Variants in ARL15 observed in about 807,000 individuals in gnomAD.
ARL15 encodes the protein ADP-ribosylation factor-like protein 15.
Under a neutral mutation model 25.2 loss-of-function variants are expected in ARL15, and 19 were observed. The observed-to-expected ratio is 0.75, with a 90% CI of 0.53 to 1.10. The LOEUF (loss-of-function observed/expected upper bound fraction) is 1.10, where lower values mean the gene tolerates loss of function less well. Among genes scored for constraint, ARL15 ranks in the 50% least tolerant of loss-of-function variants. ARL15 has a pLI of 0.00. For missense variants in ARL15, 220 were observed against 246.0 expected, an observed-to-expected ratio of 0.89 and a Z score of 0.71; for synonymous variants, 94 against 86.8, an observed-to-expected ratio of 1.08 and a Z score of -0.46.
intron 4 of ARL15, among the ~76,000 whole-genome samples, chr5:53,916,745 T>A (rs1206624918): frequency 6.6e-6 from 1 of 152,066 alleles, no homozygotes; most frequent in Admixed American, 6.6e-5. Flanking sequence ...GCCTCCAACA[T>A]AATTTCCCCT....
chr5:53,914,027 C>T (rs1429811758), intron 4 of ARL15, among the ~76,000 whole-genome samples: 3 of 152,082 alleles, frequency 2.0e-5, no homozygotes, highest in Non-Finnish European at 4.4e-5. Context: ...TTTCTTCTTC[C>T]TCCTTATCTC....
At chr5:54,282,479 T>C in intron 1 of ARL15, 1 of 985,446 alleles carries the variant, frequency 1.0e-6, no homozygotes, top group Non-Finnish European at 1.2e-6. Flanking sequence ...TCCGTCTGTT[T>C]TCTAGGCTAG....
At chr5:54,188,221 C>CA (rs1755292388) in intron 1 of ARL15, among the ~76,000 whole-genome samples, 1 of 151,924 alleles carries the variant, frequency 6.6e-6, no homozygotes, top group Non-Finnish European at 1.5e-5. Context: ...TCAGCTTTCC[C>CA]AAAAGGAAAA....
intron 3 of ARL15, among the ~76,000 whole-genome samples, chr5:54,150,778 A>T (rs1754042237): frequency 6.6e-6 from 1 of 151,552 alleles, no homozygotes; most frequent in Non-Finnish European, 1.5e-5. Flanking sequence ...ATCCTGGGCA[A>T]CGGAGCAAGA....
intron 4 of ARL15, among the ~76,000 whole-genome samples, chr5:54,094,512 A>G (rs1235071942): frequency 1.3e-5 from 2 of 151,856 alleles, no homozygotes; most frequent in East Asian, 3.9e-4. Context: ...TAATTCATAT[A>G]TGTATTTTAA....
intron 4 of ARL15, among the ~76,000 whole-genome samples, chr5:54,023,135 T>C (rs1050854751): frequency 3.3e-5 from 5 of 151,970 alleles, no homozygotes; most frequent in Admixed American, 3.3e-4. Flanking sequence ...ATAAAAAATA[T>C]TTAAGACAAT....
intron 4 of ARL15, chr5:53,951,665 C>T (rs998280723): frequency 7.8e-5 from 31 of 398,390 alleles, no homozygotes; most frequent in African/African-American, 6.9e-4. Flanking sequence ...GATATGATGA[C>T]CACTAAAAAT....
intron 4 of ARL15, among the ~76,000 whole-genome samples, chr5:53,955,968 A>G (rs980141547): frequency 1.3e-5 from 2 of 152,168 alleles, no homozygotes; most frequent in Non-Finnish European, 2.9e-5. Flanking sequence ...AAAATATGGA[A>G]AAGAAAAGCT....
chr5:54,144,154 T>C (rs1275470466), intron 3 of ARL15, among the ~76,000 whole-genome samples: 1 of 152,036 alleles, frequency 6.6e-6, no homozygotes, highest in African/African-American at 2.4e-5. Context: ...AGTATGGTTA[T>C]TTTCTTATTA....
At chr5:53,993,713 G>A (rs1428578364) in intron 4 of ARL15, among the ~76,000 whole-genome samples, 1 of 151,872 alleles carries the variant, frequency 6.6e-6, no homozygotes, top group Admixed American at 6.6e-5. Flanking sequence ...ACAATTCTAG[G>A]TAATAGCAAT....
chr5:54,263,751 G>A (rs1339919875), intron 1 of ARL15, among the ~76,000 whole-genome samples: 2 of 152,206 alleles, frequency 1.3e-5, no homozygotes, highest in East Asian at 3.9e-4. Flanking sequence ...GAACCAAGCA[G>A]AGAGCAACCC....
intron 4 of ARL15, among the ~76,000 whole-genome samples, chr5:54,037,428 A>G (rs543735087): frequency 6.6e-6 from 1 of 152,264 alleles, no homozygotes; most frequent in East Asian, 1.9e-4. Flanking sequence ...TAGTAAATAC[A>G]TGAATGAAAT....
rs867064130 is a variant in ARL15 at position 54,165,097 on chromosome 5, C to T, written c.193+6687G>A. ...CAGTCTACCTTCAAGTGTTATTATA[C>T]GACTTCACATATAGTACAAGAATCT... On this transcript the variant is annotated intron_variant, in intron 2 of 4. Transcript: ENST00000504924. Among the ~76,000 whole-genome samples, 5 of 151,844 alleles carry T rather than the reference C, an allele frequency of 3.3e-5. No homozygotes were observed. The South Asian group carries it at 6.2e-4, about 19-fold the overall frequency.
At chr5:54,116,828 T>C (rs1312106824) in intron 3 of ARL15, among the ~76,000 whole-genome samples, 3 of 152,102 alleles carry the variant, frequency 2.0e-5, no homozygotes. Context: ...ACCTAATAAA[T>C]ATATTTAGGT....
intron 4 of ARL15, among the ~76,000 whole-genome samples, chr5:53,953,433 A>G (rs1055748577): frequency 6.6e-6 from 1 of 152,236 alleles, no homozygotes. Context: ...TATACAGCAA[A>G]GTAGATTGAG....
At position 54,166,388 on chromosome 5, in the gene ARL15, T is replaced by TG. The variant is rs1270188412; in HGVS notation, c.193+5395dup. ...TTATTTATTTATTTATTTGTAGAGA[T>TG]GGGGGTCTTACTATGTTGCCCAAGC... On this transcript the variant is annotated intron_variant, in intron 2 of 4. Transcript: ENST00000504924. Among the ~76,000 whole-genome samples the TG allele has an allele frequency of 2.6e-5, 4 of 152,058 alleles. No individual in the cohort carries two copies. In the East Asian group the frequency reaches 5.8e-4, roughly 22 times the overall value.
chr5:53,931,991 G>C (rs1397361023), intron 4 of ARL15, among the ~76,000 whole-genome samples: 1 of 152,152 alleles, frequency 6.6e-6, no homozygotes, highest in Non-Finnish European at 1.5e-5. Context: ...ATCAGTTACT[G>C]GCCTTACGCG....
At chr5:54,000,554 C>A (rs1014098618) in intron 4 of ARL15, among the ~76,000 whole-genome samples, 4 of 152,100 alleles carry the variant, frequency 2.6e-5, no homozygotes, top group Admixed American at 2.6e-4. Context: ...GGTACCAAAA[C>A]CCTGGATGGC....
At chr5:54,003,103 G>A (rs1169985228) in intron 4 of ARL15, among the ~76,000 whole-genome samples, 2 of 152,160 alleles carry the variant, frequency 1.3e-5, no homozygotes, top group Non-Finnish European at 2.9e-5. Context: ...AAGGGCATGG[G>A]CTTCAAAATA....
Sources: allele counts gnomAD v4.1 joint callset (sites outside exome capture counted in the v4.1 genomes callset), GRCh38; gene constraint gnomAD v4.1.1; transcripts MANE v1.5; gene names NCBI Gene and HGNC (gene_info 2026-07-23, HGNC 2026-07-21).